Variants in APP observed in about 807,000 individuals in gnomAD.
APP encodes amyloid-beta precursor protein.
A neutral mutation model predicts 101.4 loss-of-function variants in APP; 31 were observed. The observed-to-expected ratio is 0.31, with a 90% confidence interval of 0.23 to 0.41. The LOEUF (loss-of-function observed/expected upper bound fraction) is 0.41. Ranked by LOEUF, APP falls within the 10% of genes least tolerant of loss-of-function variation. The probability of loss-of-function intolerance (pLI) is 1.00; values close to 1 mark genes in which losing one functional copy is unlikely to be tolerated. For synonymous variants in APP, 366 were observed against 364.4 expected (o/e 1.00, Z -0.05); for missense variants, 839 against 1,003.7 (o/e 0.84, Z 2.22).
chr21:26,163,193 A>ATCG, intron 1 of APP, among the ~76,000 whole-genome samples: 1 of 145,112 alleles, frequency 6.9e-6, no homozygotes, highest in Non-Finnish European at 1.5e-5. Context: ...GTAAGCCAAG[A>ATCG]CACGCCACTG....
chr21:25,993,428 G>A (rs762587721), intron 8 of APP, among the ~76,000 whole-genome samples: 31 of 152,184 alleles, frequency 2.0e-4, no homozygotes, highest in Non-Finnish European at 3.7e-4. Context: ...AAGGGGTGGT[G>A]CATAGGTGAA....
intron 7 of APP, among the ~76,000 whole-genome samples, chr21:25,999,613 A>G (rs1184570947): frequency 6.6e-6 from 1 of 152,244 alleles, no homozygotes; most frequent in Non-Finnish European, 1.5e-5. Flanking sequence ...GGTAGACAGT[A>G]TCTGCACAGG....
At chr21:26,024,814 G>A (rs1409721482) in intron 5 of APP, among the ~76,000 whole-genome samples, 1 of 152,178 alleles carries the variant, frequency 6.6e-6, no homozygotes, top group Non-Finnish European at 1.5e-5. Flanking sequence ...CAAGTGGAAC[G>A]CCTTTCTAAC....
At chr21:25,984,310 AAAT>A (rs2042556399) in intron 8 of APP, among the ~76,000 whole-genome samples, 1 of 152,198 alleles carries the variant, frequency 6.6e-6, no homozygotes, top group Non-Finnish European at 1.5e-5. Flanking sequence ...AACTAACAAA[AAAT>A]AAATAAAATA....
Position 25,965,112 on chromosome 21 carries a change from G to A in APP, c.1459-9357C>T, listed in dbSNP as rs76379437. Among the ~76,000 whole-genome samples, 368 of 152,278 alleles carry A rather than the reference G, an allele frequency of 2.4e-3. 9 individuals are homozygous for A. The East Asian group carries it at 0.064, about 27-fold the overall frequency. On this transcript the variant is annotated intron_variant, in intron 11 of 17. Coordinates refer to ENST00000346798, the MANE Select transcript of APP (RefSeq NM_000484.4). ...ATAAAGAGCTAAGATCTTCTGACCT[G>A]GGAATACAGAAAGGACAGAAAATGT... is the stretch of plus-strand genomic sequence containing the variant.
intron 5 of APP, among the ~76,000 whole-genome samples, chr21:26,041,452 A>C (rs570419248): frequency 6.6e-6 from 1 of 152,198 alleles, no homozygotes; most frequent in Non-Finnish European, 1.5e-5. Context: ...GAATTTGTAC[A>C]GTTTAATTAA....
chr21:25,971,483 A>C (rs965097851), intron 11 of APP, among the ~76,000 whole-genome samples: 3 of 152,246 alleles, frequency 2.0e-5, no homozygotes, highest in African/African-American at 7.2e-5. Context: ...GGAAACCCAC[A>C]CAGAGCCTAG....
intron 10 of APP, among the ~76,000 whole-genome samples, chr21:25,975,612 T>C (rs2042196213): frequency 6.6e-6 from 1 of 152,192 alleles, no homozygotes; most frequent in Non-Finnish European, 1.5e-5. Context: ...TAAGGTAATT[T>C]TGAGACTGGT....
intron 1 of APP, among the ~76,000 whole-genome samples, chr21:26,131,458 T>C (rs776787608): frequency 1.3e-5 from 2 of 152,214 alleles, no homozygotes; most frequent in Admixed American, 6.5e-5. Flanking sequence ...GTCACTCATA[T>C]ATTTGTTGGC....
chr21:26,029,933 T>C (rs1161547822), intron 5 of APP, among the ~76,000 whole-genome samples: 2 of 152,126 alleles, frequency 1.3e-5, no homozygotes, highest in Admixed American at 6.5e-5. Flanking sequence ...CTGCCCCACT[T>C]ACGTTAGTGA....
intron 1 of APP, among the ~76,000 whole-genome samples, chr21:26,147,224 T>A (rs955968965): frequency 2.0e-5 from 3 of 152,214 alleles, no homozygotes; most frequent in African/African-American, 7.2e-5. Flanking sequence ...CAGAACTCCT[T>A]CCCAAAGACA....
At chr21:26,033,972 G>A (rs973958529) in intron 5 of APP, among the ~76,000 whole-genome samples, 1 of 152,186 alleles carries the variant, frequency 6.6e-6, no homozygotes, top group African/African-American at 2.4e-5. Context: ...AGACCCCGCT[G>A]GAGAGGCATA....
chr21:26,022,366 G>A (rs544475305), intron 5 of APP, among the ~76,000 whole-genome samples: 2 of 152,274 alleles, frequency 1.3e-5, no homozygotes, highest in East Asian at 3.9e-4. Context: ...TGAATAGGTG[G>A]AGTAGAGAGG....
intron 5 of APP, among the ~76,000 whole-genome samples, chr21:26,023,927 A>T (rs1263838109): frequency 6.6e-5 from 10 of 152,246 alleles, no homozygotes; most frequent in African/African-American, 2.4e-5. Context: ...TGGGAAGAGG[A>T]TCAGAAATAT....
chr21:26,021,263 G>A (rs867247703), intron 6 of APP, among the ~76,000 whole-genome samples: 1 of 152,054 alleles, frequency 6.6e-6, no homozygotes, highest in Non-Finnish European at 1.5e-5. Context: ...GGCCAGACTG[G>A]TCTTGAACTC....
intron 17 of APP, among the ~76,000 whole-genome samples, chr21:25,886,968 A>G (rs1601273290): frequency 6.6e-6 from 1 of 151,130 alleles, no homozygotes; most frequent in African/African-American, 2.4e-5. Flanking sequence ...CATATGCCAT[A>G]CCTCCATAAA....
At chr21:26,016,667 G>T (rs1055974201) in intron 6 of APP, among the ~76,000 whole-genome samples, 1 of 152,074 alleles carries the variant, frequency 6.6e-6, no homozygotes, top group Admixed American at 6.5e-5. Flanking sequence ...CGCCTCCTAG[G>T]TTCAAGCGAT....
At chr21:25,964,236 C>T (rs1445002194) in intron 11 of APP, among the ~76,000 whole-genome samples, 1 of 152,180 alleles carries the variant, frequency 6.6e-6, no homozygotes, top group South Asian at 2.1e-4. Flanking sequence ...CTCTCCTTCC[C>T]GTGGAAGCAG....
chr21:25,914,439 G>A (rs1269465975), intron 13 of APP, among the ~76,000 whole-genome samples: 2 of 151,764 alleles, frequency 1.3e-5, no homozygotes, highest in Admixed American at 6.6e-5. Context: ...GCCCCCGAAT[G>A]GACTACTGCC....
Sources: allele counts gnomAD v4.1 joint callset (sites outside exome capture counted in the v4.1 genomes callset), GRCh38; gene constraint gnomAD v4.1.1; transcripts MANE v1.5; gene names NCBI Gene and HGNC (gene_info 2026-07-23, HGNC 2026-07-21).